The following NFKB1 variants were observed in gnomAD, a reference collection of about 807,000 sequenced individuals.
The protein encoded by NFKB1 is nuclear factor kappa B subunit 1.
NFKB1 carries 9 observed loss-of-function variants against 105.1 expected under a neutral mutation model. The ratio of observed to expected loss-of-function variants is 0.09; its 90% CI spans 0.05 to 0.15. The LOEUF (loss-of-function observed/expected upper bound fraction) is 0.15, where lower values mean the gene tolerates loss of function less well. Among genes scored for constraint, NFKB1 ranks in the 10% least tolerant of loss-of-function variants. The pLI is 1.00. For missense variants in NFKB1, 830 were observed against 1,203.7 expected (o/e 0.69, Z 4.59); for synonymous variants, 440 against 442.2 (o/e 1.00, Z 0.06).
chr4:102,606,441 T>A, intron 16 of NFKB1, 55 bp from the exon 17 acceptor site: 3 of 1,536,338 alleles, frequency 2.0e-6, no homozygotes, highest in South Asian at 1.1e-5. Context: ...AAGCTGTGAG[T>A]TGTAAGTAAG....
chr4:102,549,930 A>G (rs1021982455), intron 5 of NFKB1, among the ~76,000 whole-genome samples: 2 of 152,136 alleles, frequency 1.3e-5, no homozygotes, highest in African/African-American at 4.8e-5. Flanking sequence ...CATCCTCAGC[A>G]TCTTTCTTCC....
intron 12 of NFKB1, among the ~76,000 whole-genome samples, chr4:102,593,867 CTTGT>C (rs1441907605): frequency 6.6e-6 from 1 of 151,976 alleles, no homozygotes; most frequent in Non-Finnish European, 1.5e-5. Context: ...ACATAGTTGT[CTTGT>C]TTTTGTTTGG....
chr4:102,537,975 T>G lies in NFKB1; in HGVS notation c.258+19T>G. On this transcript the variant is annotated intron_variant, in intron 5 of 23. Transcript: ENST00000226574. The stretch of plus-strand genomic sequence containing the variant: ...GGTCAAAGTAAGTTTGTGGTAGCTC[T>G]CCTTCTATTTGAATTCTGGAAATTT... 4.9e-6 allele frequency: 7 copies of G among 1,430,706 alleles called. No individual in the cohort carries two copies. Among genetic ancestry groups the G allele is most frequent in the Non-Finnish European group, 6.9e-6 (7 of 1,014,386 alleles). 88.6% of individuals were successfully genotyped at this position (1,430,706 alleles called of 1,614,324 possible). A position where few individuals can be genotyped will look rare whatever the true frequency, so the allele number is the denominator to read the frequency against.
intron 4 of NFKB1, among the ~76,000 whole-genome samples, chr4:102,534,900 A>G (rs1741540912): frequency 6.6e-6 from 1 of 152,192 alleles, no homozygotes; most frequent in South Asian, 2.1e-4. Context: ...GTGACATTAT[A>G]TATGTGTTAT....
intron 5 of NFKB1, among the ~76,000 whole-genome samples, chr4:102,559,811 C>T (rs1276414952): frequency 6.6e-6 from 1 of 151,390 alleles, no homozygotes; most frequent in Non-Finnish European, 1.5e-5. Context: ...TGGTGGCATG[C>T]ACCTGTAGTC....
intron 23 of NFKB1, 41 bp from the exon 24 acceptor site, chr4:102,616,393 C>A: frequency 6.2e-7 from 1 of 1,605,962 alleles, no homozygotes; most frequent in Non-Finnish European, 8.5e-7. Flanking sequence ...CTTTTTAGAG[C>A]CCGGCCATTC....
chr4:102,568,778 T>A (rs957944894), intron 6 of NFKB1, among the ~76,000 whole-genome samples: 1 of 152,130 alleles, frequency 6.6e-6, no homozygotes, highest in Non-Finnish European at 1.5e-5. Context: ...AGAAGTAAAT[T>A]GTTTCTAAGG....
chr4:102,534,204 A>C (rs992071848), intron 4 of NFKB1, among the ~76,000 whole-genome samples: 1 of 152,138 alleles, frequency 6.6e-6, no homozygotes, highest in African/African-American at 2.4e-5. Flanking sequence ...GGTGATTTCC[A>C]TTCATTTTCA....
At chr4:102,517,892 A>T (rs1740310703) in intron 1 of NFKB1, among the ~76,000 whole-genome samples, 1 of 152,188 alleles carries the variant, frequency 6.6e-6, no homozygotes, top group Non-Finnish European at 1.5e-5. Flanking sequence ...ATATGATTTA[A>T]TATAATAATG....
At chr4:102,510,241 A>G (rs1739691824) in intron 1 of NFKB1, among the ~76,000 whole-genome samples, 2 of 152,192 alleles carry the variant, frequency 1.3e-5, no homozygotes, top group Non-Finnish European at 2.9e-5. Context: ...TGTGGGTCCT[A>G]GAAAAGAAAC....
At chr4:102,598,042 T>C (rs1381843851) in intron 15 of NFKB1, among the ~76,000 whole-genome samples, 1 of 152,204 alleles carries the variant, frequency 6.6e-6, no homozygotes, top group Non-Finnish European at 1.5e-5. Context: ...TTTATGACAG[T>C]GTACTCAAGA....
At chr4:102,511,311 G>A (rs1282943722) in intron 1 of NFKB1, among the ~76,000 whole-genome samples, 1 of 152,212 alleles carries the variant, frequency 6.6e-6, no homozygotes, top group East Asian at 1.9e-4. Context: ...CTAAGGACAA[G>A]GCACACAGTG....
chr4:102,608,835 GATTAATTAA>G (rs1335661016), intron 19 of NFKB1, among the ~76,000 whole-genome samples: 9 of 152,216 alleles, frequency 5.9e-5, no homozygotes, highest in African/African-American at 2.2e-4. Context: ...AGAAGACACT[GATTAATTAA>G]ATGCCTTCCA....
chr4:102,554,602 G>A (rs1174984611), intron 5 of NFKB1, among the ~76,000 whole-genome samples: 1 of 152,152 alleles, frequency 6.6e-6, no homozygotes, highest in Non-Finnish European at 1.5e-5. Context: ...ATATTTTTCA[G>A]TGACTCAGAA....
chr4:102,594,707 A>G (rs1027091088), intron 12 of NFKB1, among the ~76,000 whole-genome samples, 185 bp from the exon 13 acceptor site: 1 of 152,140 alleles, frequency 6.6e-6, no homozygotes, highest in Non-Finnish European at 1.5e-5. Context: ...ACTTTACCAA[A>G]GTGGAATTCT....
chr4:102,593,357 T>G, intron 11 of NFKB1, 68 bp from the exon 12 acceptor site: 1 of 1,367,398 alleles, frequency 7.3e-7, no homozygotes, highest in Non-Finnish European at 1.0e-6. Context: ...GAATCAGTGG[T>G]CTTTCTGTGG....
chr4:102,556,361 G>A (rs1289028642), intron 5 of NFKB1, among the ~76,000 whole-genome samples: 1 of 152,184 alleles, frequency 6.6e-6, no homozygotes, highest in East Asian at 1.9e-4. Flanking sequence ...ATTCAATCCA[G>A]GAGACTTGAT....
chr4:102,532,234 T>A (rs1290299930), intron 3 of NFKB1, among the ~76,000 whole-genome samples: 1 of 152,180 alleles, frequency 6.6e-6, no homozygotes, highest in Non-Finnish European at 1.5e-5. Flanking sequence ...TTCAACTCGC[T>A]TCCTTGTAAA....
chr4:102,588,820 A>G (rs951325409), intron 11 of NFKB1, among the ~76,000 whole-genome samples: 5 of 152,186 alleles, frequency 3.3e-5, no homozygotes, highest in African/African-American at 4.8e-5. Context: ...TCTTGACTCC[A>G]TTGTGACCTC....
Sources: allele counts gnomAD v4.1 joint callset (sites outside exome capture counted in the v4.1 genomes callset), GRCh38; gene constraint gnomAD v4.1.1; transcripts MANE v1.5; gene names NCBI Gene and HGNC (gene_info 2026-07-23, HGNC 2026-07-21).